ATP8A2: variants seen among roughly 807,000 people sequenced by gnomAD.
The protein encoded by ATP8A2 is ATPase phospholipid transporting 8A2, also known as phospholipid-transporting ATPase IB.
ATP8A2 carries 100 observed loss-of-function variants against 165.6 expected under a neutral mutation model. That is an observed-to-expected ratio of 0.60 (90% CI 0.51 to 0.71). The LOEUF (loss-of-function observed/expected upper bound fraction) is 0.71. ATP8A2 is among the 30% of genes least tolerant of loss of function. ATP8A2 has a pLI of 0.00. For synonymous variants in ATP8A2, 543 were observed against 548.8 expected (o/e 0.99, Z 0.15); for missense variants, 1,227 against 1,479.5 (o/e 0.83, Z 2.80).
At chr13:26,009,079 G>A (rs763365677) in intron 35 of ATP8A2, among the ~76,000 whole-genome samples, 8 of 152,154 alleles carry the variant, frequency 5.3e-5, no homozygotes, top group Non-Finnish European at 1.0e-4. Flanking sequence ...CTTTTTTATG[G>A]AAGGGAGAAG....
intron 24 of ATP8A2, among the ~76,000 whole-genome samples, chr13:25,648,279 A>G (rs1006667304): frequency 5.9e-5 from 9 of 151,892 alleles, no homozygotes; most frequent in South Asian, 2.1e-4. Context: ...AATTGTTTCC[A>G]TTTCTTTGTC....
At chr13:25,937,587 C>A (rs1293338884) in intron 33 of ATP8A2, among the ~76,000 whole-genome samples, 3 of 151,148 alleles carry the variant, frequency 2.0e-5, no homozygotes, top group South Asian at 4.2e-4. Flanking sequence ...CGGTGGCTCA[C>A]ACCTGTAATC....
Position 25,998,811 on chromosome 13 carries a change from A to G in ATP8A2, c.3378-13720A>G, listed in dbSNP as rs113809706. Among the ~76,000 whole-genome samples the G allele has an allele frequency of 7.2e-5, 11 of 152,256 alleles. 2 individuals carry two copies. The highest frequency in any genetic ancestry group is 2.6e-4 in the African/African-American group (11 of 41,564). Reference sequence around the variant, plus strand: ...TGTCTTCAGCCAGAATGTCCCCCAAACTGTCCCATGTAACCTGAATTCTTA... The same window carrying G: ...TGTCTTCAGCCAGAATGTCCCCCAAGCTGTCCCATGTAACCTGAATTCTTA... On this transcript the variant is annotated intron_variant, in intron 35 of 36. Transcript: ENST00000381655.
chr13:25,966,411 T>C (rs1176448780), intron 34 of ATP8A2, among the ~76,000 whole-genome samples: 5 of 152,218 alleles, frequency 3.3e-5, no homozygotes, highest in African/African-American at 1.2e-4. Context: ...ATGTAGCCTT[T>C]AGACAGGGGA....
At chr13:25,416,174 G>C (rs1343088079) in intron 1 of ATP8A2, among the ~76,000 whole-genome samples, 7 of 152,064 alleles carry the variant, frequency 4.6e-5, no homozygotes, top group African/African-American at 1.4e-4. Context: ...TTTATCATGT[G>C]CTCACCTCCA....
At chr13:25,948,894 C>T (rs917781380) in intron 33 of ATP8A2, among the ~76,000 whole-genome samples, 7 of 152,300 alleles carry the variant, frequency 4.6e-5, no homozygotes, top group African/African-American at 1.7e-4. Flanking sequence ...GTTGTGGCAG[C>T]CCAAGGGGAC....
chr13:25,968,685 G>T lies in ATP8A2; in HGVS notation c.3377+6G>T, dbSNP rs200302064. 6.2e-7 allele frequency: 1 copy of T among 1,609,726 alleles called. No homozygotes were observed. The highest frequency in any genetic ancestry group is 8.5e-7 in the Non-Finnish European group (1 of 1,177,294). On this transcript the variant is annotated splice_donor_region_variant and intron_variant, in intron 35 of 36. Transcript: ENST00000381655. The stretch of plus-strand genomic sequence containing the variant: ...CGGGATAGCAATGGAAAGAGGTGGG[G>T]AACTCCGTCCCAGTCCGCACAGAAC...
rs112739111 is a variant in ATP8A2 at position 25,448,539 on chromosome 13, G to C, written c.77-20438G>C. 7.1e-3 allele frequency among the ~76,000 whole-genome samples: 1,084 copies of C among 152,268 alleles called. 9 individuals are homozygous for C. The highest frequency in any genetic ancestry group is 0.024 in the African/African-American group (978 of 41,542). On this transcript the variant is annotated intron_variant, in intron 1 of 36. Coordinates refer to ENST00000381655, the MANE Select transcript of ATP8A2 (RefSeq NM_016529.6). ...GGTGTCATATTTTATAACATGTTTTGTCTACGGTCTCATGAATATTTTCCA... is the reference window on the plus strand; with the variant it reads ...GGTGTCATATTTTATAACATGTTTTCTCTACGGTCTCATGAATATTTTCCA...
chr13:25,717,826 T>C (rs1366560460), intron 25 of ATP8A2, among the ~76,000 whole-genome samples: 1 of 152,174 alleles, frequency 6.6e-6, no homozygotes, highest in Non-Finnish European at 1.5e-5. Flanking sequence ...ATGTGCTTGG[T>C]TGTGCAGTTC....
At chr13:25,856,528 A>T (rs1314358373) in intron 30 of ATP8A2, among the ~76,000 whole-genome samples, 1 of 152,174 alleles carries the variant, frequency 6.6e-6, no homozygotes, top group Non-Finnish European at 1.5e-5. Flanking sequence ...GCACCCCTTA[A>T]ATTTACATCA....
chr13:25,579,664 G>A, intron 21 of ATP8A2, 144 bp from the exon 22 acceptor site: 1 of 806,120 alleles, frequency 1.2e-6, no homozygotes, highest in Admixed American at 2.3e-5. Context: ...TCCCTTGGTA[G>A]ATGTGGGAGT....
At chr13:25,764,898 G>C (rs944143130) in intron 25 of ATP8A2, among the ~76,000 whole-genome samples, 8 of 152,138 alleles carry the variant, frequency 5.3e-5, no homozygotes, top group Admixed American at 5.2e-4. Flanking sequence ...TTGACAACCA[G>C]GCAGGTAAGA....
intron 1 of ATP8A2, among the ~76,000 whole-genome samples, chr13:25,389,304 C>T (rs1233861304): frequency 2.0e-5 from 3 of 152,214 alleles, no homozygotes; most frequent in Admixed American, 2.0e-4. Context: ...GTCATATTTT[C>T]CCCCCTAAAA....
At chr13:25,465,666 T>C (rs895901478) in intron 1 of ATP8A2, among the ~76,000 whole-genome samples, 8 of 4,386 alleles carry the variant, frequency 1.8e-3, no homozygotes, top group Non-Finnish European at 4.4e-3. Flanking sequence ...TGCAGAGTTT[T>C]CTTTCTTTCT....
intron 33 of ATP8A2, among the ~76,000 whole-genome samples, chr13:25,878,982 C>T (rs1310345167): frequency 3.3e-5 from 5 of 152,158 alleles, no homozygotes; most frequent in Non-Finnish European, 5.9e-5. Context: ...ATTCTACCAC[C>T]GGTCTCCTTG....
chr13:25,766,726 C>A (rs772715052), intron 25 of ATP8A2, among the ~76,000 whole-genome samples: 3 of 152,220 alleles, frequency 2.0e-5, no homozygotes, highest in African/African-American at 7.2e-5. Flanking sequence ...AAAAAAATTT[C>A]TGCTGCAGCA....
chr13:25,459,383 G>T (rs892995215), intron 1 of ATP8A2, among the ~76,000 whole-genome samples: 2 of 152,196 alleles, frequency 1.3e-5, no homozygotes, highest in South Asian at 4.1e-4. Flanking sequence ...GACAGAATGC[G>T]AAATTTTGTG....
At chr13:25,655,245 C>T (rs1466011141) in intron 24 of ATP8A2, among the ~76,000 whole-genome samples, 2 of 152,198 alleles carry the variant, frequency 1.3e-5, no homozygotes, top group Non-Finnish European at 2.9e-5. Context: ...CTGCAACCTC[C>T]GCCTCCTGGG....
At chr13:25,606,856 T>A (rs112826827) in intron 24 of ATP8A2, among the ~76,000 whole-genome samples, 2,687 of 152,266 alleles carry the variant, frequency 0.018, 89 homozygotes, top group African/African-American at 0.06. Context: ...GTAATTTAAA[T>A]TTTAATAGCC....
Sources: gnomAD v4.1 joint callset for allele counts (sites outside exome capture counted in the v4.1 genomes callset) on GRCh38, gnomAD v4.1.1 for gene constraint, MANE v1.5 for transcripts, NCBI Gene and HGNC (gene_info 2026-07-23, HGNC 2026-07-21) for gene names.